ITGBL1: variants seen among roughly 807,000 people sequenced by gnomAD.
ITGBL1 encodes integrin beta-like protein 1.
Under a neutral mutation model 68.5 loss-of-function variants are expected in ITGBL1, and 51 were observed. That is an observed-to-expected ratio of 0.74 (90% CI 0.59 to 0.94). The LOEUF is 0.94. Ranked by LOEUF, ITGBL1 falls within the 40% of genes least tolerant of loss-of-function variation. The probability of loss-of-function intolerance (pLI) is 0.00; values close to 1 mark genes in which losing one functional copy is unlikely to be tolerated. For synonymous variants in ITGBL1, 209 were observed against 227.3 expected, an observed-to-expected ratio of 0.92 and a Z score of 0.72; for missense variants, 649 against 647.4, an observed-to-expected ratio of 1.00 and a Z score of -0.03.
intron 7 of ITGBL1, among the ~76,000 whole-genome samples, chr13:101,603,905 C>T (rs1467155760): frequency 5.3e-5 from 8 of 151,780 alleles, no homozygotes; most frequent in Non-Finnish European, 1.5e-5. Context: ...AAAGGGTGAT[C>T]TGATATCTTA....
intron 8 of ITGBL1, among the ~76,000 whole-genome samples, chr13:101,706,137 A>G (rs1350806441): frequency 6.6e-6 from 1 of 152,248 alleles, no homozygotes; most frequent in Non-Finnish European, 1.5e-5. Context: ...AAACATCTGA[A>G]AAACCAGGAA....
chr13:101,706,059 G>T (rs2034257257), intron 8 of ITGBL1, among the ~76,000 whole-genome samples: 1 of 152,088 alleles, frequency 6.6e-6, no homozygotes, highest in South Asian at 2.1e-4. Flanking sequence ...TTGGTGGCAG[G>T]CAATAAACAG....
chr13:101,607,611 A>C (rs186442402), intron 7 of ITGBL1, among the ~76,000 whole-genome samples: 3 of 152,008 alleles, frequency 2.0e-5, no homozygotes, highest in Admixed American at 6.6e-5. Flanking sequence ...ACATAGGTTT[A>C]AATGAAAAAA....
At chr13:101,542,610 T>G (rs181341612) in intron 2 of ITGBL1, among the ~76,000 whole-genome samples, 2 of 152,190 alleles carry the variant, frequency 1.3e-5, no homozygotes, top group Non-Finnish European at 2.9e-5. Context: ...CTGGATATCC[T>G]TGTTAACTTT....
At chr13:101,628,165 C>A (rs73556055) in intron 7 of ITGBL1, among the ~76,000 whole-genome samples, 2 of 152,102 alleles carry the variant, frequency 1.3e-5, no homozygotes, top group African/African-American at 4.8e-5. Context: ...GGTATTTCAT[C>A]GTTTTAATTT....
chr13:101,503,950 A>G (rs1256954634), intron 2 of ITGBL1, among the ~76,000 whole-genome samples: 1 of 152,176 alleles, frequency 6.6e-6, no homozygotes, highest in Admixed American at 6.6e-5. Flanking sequence ...TCGTGAAATC[A>G]TTATTCTCAC....
chr13:101,508,523 A>G (rs187675559), intron 2 of ITGBL1, among the ~76,000 whole-genome samples: 152 of 152,306 alleles, frequency 1.0e-3, no homozygotes, highest in African/African-American at 3.5e-3. Flanking sequence ...CTTCCATTTT[A>G]TCACATCATC....
At chr13:101,492,704 G>T (rs764285832) in intron 2 of ITGBL1, among the ~76,000 whole-genome samples, 7 of 152,054 alleles carry the variant, frequency 4.6e-5, no homozygotes, top group Non-Finnish European at 1.0e-4. Flanking sequence ...GCCCTCCTTG[G>T]AATTCCATTA....
intron 8 of ITGBL1, 148 bp from the exon 9 acceptor site, chr13:101,706,608 C>A: frequency 1.4e-6 from 1 of 732,516 alleles, no homozygotes; most frequent in Non-Finnish European, 2.1e-6. Flanking sequence ...TTCTTTCAAA[C>A]AATTACATGC....
At chr13:101,666,239 T>C (rs2033213809) in intron 7 of ITGBL1, among the ~76,000 whole-genome samples, 1 of 152,176 alleles carries the variant, frequency 6.6e-6, no homozygotes, top group Non-Finnish European at 1.5e-5. Flanking sequence ...CAGTACCAAC[T>C]GAATGAACCC....
chr13:101,521,559 GGGA>G (rs1253685273), intron 2 of ITGBL1, among the ~76,000 whole-genome samples: 1 of 152,038 alleles, frequency 6.6e-6, no homozygotes, highest in Non-Finnish European at 1.5e-5. Context: ...AAGGGAGGGT[GGGA>G]GGAGATGACG....
Position 101,598,149 on chromosome 13 carries a change from G to T in ITGBL1, c.869-4G>T. 6.3e-7 allele frequency: 1 copy of T among 1,590,154 alleles called. No individual in the cohort carries two copies. The highest frequency in any genetic ancestry group is 1.2e-5 in the South Asian group (1 of 86,174). Reference sequence around the variant, plus strand: ...TTTTATTTTTTGCCACTCTCACTGTGAAGGTCATGGACAGTGTAATTGCGG... The same window carrying T: ...TTTTATTTTTTGCCACTCTCACTGTTAAGGTCATGGACAGTGTAATTGCGG... On this transcript the variant is annotated splice_polypyrimidine_tract_variant and splice_region_variant and intron_variant, in intron 6 of 10. Coordinates refer to ENST00000376180, the MANE Select transcript of ITGBL1 (RefSeq NM_004791.3).
chr13:101,623,637 G>A (rs890722514), intron 7 of ITGBL1, among the ~76,000 whole-genome samples: 36 of 152,240 alleles, frequency 2.4e-4, no homozygotes, highest in African/African-American at 8.7e-4. Context: ...ACAGGCAGTG[G>A]GTTCACCGTG....
At chr13:101,676,057 A>C (rs957903268) in intron 7 of ITGBL1, among the ~76,000 whole-genome samples, 36 of 148,360 alleles carry the variant, frequency 2.4e-4, no homozygotes, top group Non-Finnish European at 4.4e-4. Context: ...TTTTTTGAAC[A>C]TTTTAAAAGT....
intron 5 of ITGBL1, 77 bp downstream of exon 5, chr13:101,579,504 A>G: frequency 3.4e-6 from 5 of 1,460,586 alleles, no homozygotes; most frequent in East Asian, 2.4e-5. Context: ...TTTTCTTTGT[A>G]TTTCCTCTAG....
chr13:101,632,469 G>T (rs1334391877), intron 7 of ITGBL1, among the ~76,000 whole-genome samples: 3 of 152,144 alleles, frequency 2.0e-5, no homozygotes, highest in African/African-American at 7.2e-5. Flanking sequence ...GTATAAAATG[G>T]AACACCTGCT....
rs552763892 is a variant in ITGBL1, at chr13:101,646,994, A to G, written c.1016-45591A>G. Among the ~76,000 whole-genome samples the G allele has an allele frequency of 2.0e-5, 3 of 152,226 alleles. No homozygotes were observed. In the South Asian group the frequency reaches 6.2e-4, roughly 32 times the overall value. ...TAAATGGGCCAAAAATCTAAAAGTAATAGACCCTGAGTGGTACAATTATGT... is the reference window on the plus strand; with the variant it reads ...TAAATGGGCCAAAAATCTAAAAGTAGTAGACCCTGAGTGGTACAATTATGT... On this transcript the variant is annotated intron_variant, in intron 7 of 10. Transcript: ENST00000376180.
intron 3 of ITGBL1, among the ~76,000 whole-genome samples, chr13:101,572,586 G>A (rs1434481275): frequency 1.3e-5 from 2 of 152,142 alleles, no homozygotes; most frequent in Non-Finnish European, 2.9e-5. Flanking sequence ...GAGAAGCTGT[G>A]TGTGTCATAG....
chr13:101,620,155 AT>A (rs2031527892), intron 7 of ITGBL1, among the ~76,000 whole-genome samples: 1 of 152,148 alleles, frequency 6.6e-6, no homozygotes, highest in Non-Finnish European at 1.5e-5. Flanking sequence ...CTATTTTTAC[AT>A]TGTAATTCTA....
Sources: allele counts gnomAD v4.1 joint callset (sites outside exome capture counted in the v4.1 genomes callset), GRCh38; gene constraint gnomAD v4.1.1; transcripts MANE v1.5; gene names NCBI Gene and HGNC (gene_info 2026-07-23, HGNC 2026-07-21).